Variants in ANO7 observed in about 807,000 individuals in gnomAD.
The protein encoded by ANO7 is anoctamin-7.
Under a neutral mutation model 115.8 loss-of-function variants are expected in ANO7, and 114 were observed. That is an observed-to-expected ratio of 0.98 (90% CI 0.85 to 1.15). The LOEUF is 1.15. Ranked by LOEUF, ANO7 falls within the 50% of genes most tolerant of loss-of-function variation. The pLI, the probability that ANO7 is intolerant of heterozygous loss-of-function variation, is 0.00. For missense variants in ANO7, 1,302 were observed against 1,201.2 expected (o/e 1.08, Z -1.24); for synonymous variants, 550 against 498.2 (o/e 1.10, Z -1.38).
chr2:241,238,859 C>G, the ANO7 span: 1 of 1,253,144 alleles, frequency 8.0e-7, no homozygotes, highest in Non-Finnish European at 1.1e-6. The surrounding 1 kb of genome is among the most constrained non-coding windows in gnomAD (Gnocchi z 4.9). Flanking sequence ...TTACAGCACT[C>G]TTCACACCAC....
the ANO7 span, chr2:241,236,563 G>A: frequency 2.5e-6 from 4 of 1,588,520 alleles, no homozygotes; most frequent in East Asian, 2.2e-5. Flanking sequence ...CTCCCCAGGT[G>A]CCTGCTGACT....
downstream of ANO7, chr2:241,230,612 G>T: frequency 4.3e-6 from 3 of 703,054 alleles, no homozygotes; most frequent in Admixed American, 2.5e-5. The surrounding 1 kb of genome is among the most constrained non-coding windows in gnomAD (Gnocchi z 5.0). Flanking sequence ...ACTGACCCGT[G>T]GTGTCCATGA....
rs767477290 is a variant in ANO7, at chr2:241,195,868, A to G, written c.309+23A>G. 1.7e-5 allele frequency: 28 copies of G among 1,613,452 alleles called. No individual in the cohort carries two copies. The Admixed American group carries it at 2.7e-4, about 15-fold the overall frequency. On this transcript the variant is annotated intron_variant, in intron 4 of 24. Transcript: ENST00000674324. ...CAGGTACGTGGAGGCTGTCATGGGCAGGGCCCTAGGCCCTGCATCCACTCA... is the reference window on the plus strand; with the variant it reads ...CAGGTACGTGGAGGCTGTCATGGGCGGGGCCCTAGGCCCTGCATCCACTCA...
chr2:241,196,045 A>G, intron 4 of ANO7, 200 bp downstream of exon 4: 1 of 1,443,616 alleles, frequency 6.9e-7, no homozygotes, highest in South Asian at 1.5e-5. Flanking sequence ...GTAAACATTG[A>G]TCCCTCCTGC....
At chr2:241,222,529 C>T (rs1242770919) in intron 21 of ANO7, among the ~76,000 whole-genome samples, 1 of 152,046 alleles carries the variant, frequency 6.6e-6, no homozygotes, top group African/African-American at 2.4e-5. Context: ...AAGTTTATTC[C>T]ATTCATTTGA....
At position 241,223,732 on chromosome 2, in the gene ANO7, A is replaced by C; in HGVS notation, c.2483A>C (p.Lys828Thr). 1.2e-6 allele frequency: 2 copies of C among 1,614,130 alleles called. No individual in the cohort carries two copies. Among genetic ancestry groups the C allele is most frequent in the East Asian group, 4.5e-5 (2 of 44,878 alleles). The change falls in exon 23 of 25, where the codon AAA (lysine) becomes ACA (threonine). Residue 828 changes from lysine (K) to threonine (T), a missense_variant. Transcript: ENST00000674324. ...VPDIPESVEI[K>T]VKREYYLAKQ... Reference sequence around the variant, plus strand: ...GACATCCCAGAGTCTGTGGAGATCAAAGTGAAGCGGGAGTACTACCTGGCT... The same window carrying C: ...GACATCCCAGAGTCTGTGGAGATCACAGTGAAGCGGGAGTACTACCTGGCT...
At chr2:241,190,460 G>A (rs1299976324) in intron 2 of ANO7, among the ~76,000 whole-genome samples, 8 of 152,202 alleles carry the variant, frequency 5.3e-5, no homozygotes, top group Admixed American at 3.9e-4. Context: ...AGACCAGGGC[G>A]GGGCCCTCCC....
downstream of ANO7, chr2:241,229,582 G>A (rs1390314942): frequency 6.3e-7 from 1 of 1,590,498 alleles, no homozygotes; most frequent in Admixed American, 1.7e-5. Context: ...GCTGGAGAGG[G>A]TTCTGTTCTT....
At chr2:241,211,804 C>T (rs1413038863) in intron 15 of ANO7, among the ~76,000 whole-genome samples, 2 of 152,190 alleles carry the variant, frequency 1.3e-5, no homozygotes, top group Non-Finnish European at 2.9e-5. Flanking sequence ...GCAGCCTTGG[C>T]ACCGAGCCTC....
chr2:241,216,322 G>C (rs1299722503), intron 19 of ANO7, 84 bp downstream of exon 19: 6 of 1,443,572 alleles, frequency 4.2e-6, no homozygotes, highest in African/African-American at 1.4e-5. Context: ...CTCCCAGCCT[G>C]ACATTCCTGT....
chr2:241,212,699 C>A, intron 17 of ANO7, 73 bp downstream of exon 17: 1 of 1,486,114 alleles, frequency 6.7e-7, no homozygotes. Context: ...TCCATTCGAG[C>A]TTTGATTTGC....
At chr2:241,208,932 A>ATCATG (rs2068649657) in intron 11 of ANO7, among the ~76,000 whole-genome samples, 1 of 151,926 alleles carries the variant, frequency 6.6e-6, no homozygotes, top group Non-Finnish European at 1.5e-5. Flanking sequence ...GGTGGATCAC[A>ATCATG]AGGTCAGAAG....
At chr2:241,215,220 G>T (rs1163644710) in intron 18 of ANO7, among the ~76,000 whole-genome samples, 1 of 152,258 alleles carries the variant, frequency 6.6e-6, no homozygotes, top group Non-Finnish European at 1.5e-5. Flanking sequence ...GTTCAGAGAT[G>T]CTGCGGCTGG....
chr2:241,210,647 C>A, intron 15 of ANO7, 77 bp downstream of exon 15: 2 of 1,149,846 alleles, frequency 1.7e-6, no homozygotes, highest in Non-Finnish European at 2.6e-6. Context: ...GACTTTCTCA[C>A]TCACTGACAC....
chr2:241,209,065 C>G (rs907674166), intron 11 of ANO7, among the ~76,000 whole-genome samples: 1 of 152,208 alleles, frequency 6.6e-6, no homozygotes, highest in Non-Finnish European at 1.5e-5. Flanking sequence ...AGGAGAATGG[C>G]GTGAACCCGG....
chr2:241,232,868 G>A, the ANO7 span, among the ~76,000 whole-genome samples: 3 of 152,082 alleles, frequency 2.0e-5, no homozygotes, highest in African/African-American at 7.2e-5. Flanking sequence ...AAAAATGTAT[G>A]TGGGGAGGGA....
At chr2:241,239,353 TCTC>T in the ANO7 span, among the ~76,000 whole-genome samples, 3 of 152,040 alleles carry the variant, frequency 2.0e-5, no homozygotes, top group Non-Finnish European at 4.4e-5. The surrounding 1 kb of genome is among the most constrained non-coding windows in gnomAD (Gnocchi z 4.6). Flanking sequence ...CTCTCTCCCC[TCTC>T]CTCTTCTCCT....
rs749570957 is a variant in ANO7 at position 241,209,574 on chromosome 2, A to G, written c.1298A>G (p.Tyr433Cys). Residue 433 changes from tyrosine (Y) to cysteine (C), a missense_variant, in exon 13 of 25, where the codon TAC becomes TGC. Physicochemically the swap from Tyr to Cys is radical, Grantham distance 194 (BLOSUM62 -2). Coordinates refer to ENST00000674324, the MANE Select transcript of ANO7 (RefSeq NM_001370694.2). ...PNPITGEDEP[Y>C]FPERSRARRM... Reference sequence around the variant, plus strand: ...CCCATCACGGGTGAGGACGAGCCCTACTTCCCTGAGAGGAGCCGCGCGCGC... The same window carrying G: ...CCCATCACGGGTGAGGACGAGCCCTGCTTCCCTGAGAGGAGCCGCGCGCGC... The G allele has an allele frequency of 3.1e-6, 5 of 1,603,256 alleles. No homozygotes were observed. Among genetic ancestry groups the G allele is most frequent in the East Asian group, 2.2e-5 (1 of 44,778 alleles).
intron 22 of ANO7, 98 bp from the exon 23 acceptor site, chr2:241,223,564 C>T: frequency 6.5e-7 from 1 of 1,530,282 alleles, no homozygotes; most frequent in Non-Finnish European, 8.8e-7. Context: ...CTGACTCCAC[C>T]CACAGCTGGG....
Sources: gnomAD v4.1 joint callset for allele counts (sites outside exome capture counted in the v4.1 genomes callset) on GRCh38, gnomAD v4.1.1 for gene constraint, Gnocchi (gnomAD v3.1) non-coding constraint, MANE v1.5 for transcripts, NCBI Gene and HGNC (gene_info 2026-07-23, HGNC 2026-07-21) for gene names.